The following AGBL4 variants were observed in gnomAD, a reference collection of about 807,000 sequenced individuals.
AGBL4 encodes the protein AGBL carboxypeptidase 4, also known as cytosolic carboxypeptidase 6.
Under a neutral mutation model 66.4 loss-of-function variants are expected in AGBL4, and 58 were observed. The observed-to-expected ratio is 0.87, with a 90% CI of 0.71 to 1.09. AGBL4 has a LOEUF of 1.09. Among genes scored for constraint, AGBL4 ranks in the 50% least tolerant of loss-of-function variants. The probability of loss-of-function intolerance (pLI) is 0.00; values close to 1 mark genes in which losing one functional copy is unlikely to be tolerated. For missense variants in AGBL4, 579 were observed against 631.0 expected, an observed-to-expected ratio of 0.92 and a Z score of 0.88; for synonymous variants, 234 against 222.9, an observed-to-expected ratio of 1.05 and a Z score of -0.44.
intron 3 of AGBL4, among the ~76,000 whole-genome samples, chr1:49,493,320 A>C (rs1179843430): frequency 1.3e-5 from 2 of 152,022 alleles, no homozygotes; most frequent in Admixed American, 6.6e-5. Flanking sequence ...AAACAAGAGC[A>C]GATAATTTTT....
intron 1 of AGBL4, among the ~76,000 whole-genome samples, chr1:49,915,330 C>T (rs1415604512): frequency 1.3e-5 from 2 of 152,156 alleles, no homozygotes; most frequent in African/African-American, 4.8e-5. Flanking sequence ...AATTCCCTTT[C>T]TTAGCCAAGG....
intron 2 of AGBL4, among the ~76,000 whole-genome samples, chr1:49,714,631 C>G (rs1319193008): frequency 6.6e-6 from 1 of 150,548 alleles, no homozygotes; most frequent in Non-Finnish European, 1.5e-5. Context: ...TACATATACA[C>G]ACACAAATAT....
At chr1:49,110,975 A>G (rs879479349) in intron 4 of AGBL4, among the ~76,000 whole-genome samples, 10 of 152,076 alleles carry the variant, frequency 6.6e-5, no homozygotes, top group Admixed American at 2.6e-4. Flanking sequence ...AAGCATATCA[A>G]TTTGGATAAA....
At chr1:50,022,206 G>T (rs139047019) in intron 1 of AGBL4, among the ~76,000 whole-genome samples, 1 of 152,136 alleles carries the variant, frequency 6.6e-6, no homozygotes, top group African/African-American at 2.4e-5. Context: ...ATAAAACAAT[G>T]CCCTTGTAGA....
At chr1:49,917,344 T>G (rs1307133248) in intron 1 of AGBL4, among the ~76,000 whole-genome samples, 1 of 151,768 alleles carries the variant, frequency 6.6e-6, no homozygotes, top group Non-Finnish European at 1.5e-5. Context: ...GAAACCCATC[T>G]CGTGTGCAGA....
intron 3 of AGBL4, among the ~76,000 whole-genome samples, chr1:49,316,448 G>C (rs1017557911): frequency 6.6e-6 from 1 of 151,588 alleles, no homozygotes. Context: ...AGAAAAAAAA[G>C]CTCTCACAAC....
At chr1:49,706,097 T>C (rs1647210138) in intron 2 of AGBL4, among the ~76,000 whole-genome samples, 1 of 152,212 alleles carries the variant, frequency 6.6e-6, no homozygotes, top group Non-Finnish European at 1.5e-5. Context: ...GTTTTTCTAT[T>C]GTTTGAAATA....
At chr1:48,642,413 T>C (rs1427754880) in intron 8 of AGBL4, among the ~76,000 whole-genome samples, 1 of 152,098 alleles carries the variant, frequency 6.6e-6, no homozygotes, top group Non-Finnish European at 1.5e-5. Flanking sequence ...ACAGAGCATA[T>C]ACTCCAGGGA....
intron 1 of AGBL4, among the ~76,000 whole-genome samples, chr1:49,973,386 C>T (rs1388901702): frequency 5.9e-5 from 9 of 152,126 alleles, no homozygotes; most frequent in Non-Finnish European, 8.8e-5. Context: ...TCACAATGGC[C>T]ACCCTTCAAA....
chr1:49,451,899 G>T (rs1241073708), intron 3 of AGBL4, among the ~76,000 whole-genome samples: 1 of 151,892 alleles, frequency 6.6e-6, no homozygotes, highest in Non-Finnish European at 1.5e-5. Context: ...ACTACATTTG[G>T]TAGAGAAGGT....
intron 4 of AGBL4, among the ~76,000 whole-genome samples, chr1:49,095,305 G>A (rs1289949319): frequency 6.6e-6 from 1 of 152,136 alleles, no homozygotes; most frequent in Non-Finnish European, 1.5e-5. Flanking sequence ...AGCTACCAAT[G>A]ACTTTCTTCA....
intron 2 of AGBL4, chr1:49,845,021 G>A (rs1247002565): frequency 1.5e-5 from 22 of 1,437,438 alleles, no homozygotes; most frequent in Non-Finnish European, 6.7e-6. Context: ...CGTGGAAAAA[G>A]GGAGAAGCCA....
chr1:49,031,216 T>C (rs1443506004), intron 5 of AGBL4, among the ~76,000 whole-genome samples: 1 of 152,036 alleles, frequency 6.6e-6, no homozygotes, highest in African/African-American at 2.4e-5. Flanking sequence ...GCCCTCCAAG[T>C]AGCTGGGACT....
intron 6 of AGBL4, among the ~76,000 whole-genome samples, chr1:48,800,028 G>A (rs190885792): frequency 7.3e-4 from 111 of 152,128 alleles, no homozygotes; most frequent in African/African-American, 2.6e-3. Flanking sequence ...GATTTAGGGA[G>A]GATTCCCTCT....
chr1:49,385,020 T>G (rs1644707609), intron 3 of AGBL4, among the ~76,000 whole-genome samples: 1 of 152,170 alleles, frequency 6.6e-6, no homozygotes, highest in Non-Finnish European at 1.5e-5. Flanking sequence ...TGAATGAACC[T>G]GGAGGACATT....
At chr1:49,541,046 G>A (rs1290454059) in intron 3 of AGBL4, among the ~76,000 whole-genome samples, 1 of 152,118 alleles carries the variant, frequency 6.6e-6, no homozygotes, top group Non-Finnish European at 1.5e-5. Flanking sequence ...GACAAATCAA[G>A]CATGTTTTAA....
chr1:49,299,145 GA>G (rs1280204343), intron 3 of AGBL4, among the ~76,000 whole-genome samples: 2 of 151,452 alleles, frequency 1.3e-5, no homozygotes, highest in Non-Finnish European at 2.9e-5. Flanking sequence ...TATCACAGTT[GA>G]AAAAAAAGGC....
At chr1:49,268,410 ACACAC>A (rs1425797920) in intron 3 of AGBL4, among the ~76,000 whole-genome samples, 4 of 926 alleles carry the variant, frequency 4.3e-3, no homozygotes, top group East Asian at 0.033. Context: ...TTTTTTTTAA[ACACAC>A]ACACACACAC....
At chr1:48,713,078 T>C (rs320060) in intron 6 of AGBL4, among the ~76,000 whole-genome samples, 145,728 of 152,278 alleles carry the variant, frequency 0.96, 70,068 homozygotes, top group East Asian at 1. Context: ...CACACAGTGC[T>C]GGGCTCTGTG....
Sources: allele counts gnomAD v4.1 joint callset (sites outside exome capture counted in the v4.1 genomes callset), GRCh38; gene constraint gnomAD v4.1.1; transcripts MANE v1.5; gene names NCBI Gene and HGNC (gene_info 2026-07-23, HGNC 2026-07-21).